SCOC: variants seen among roughly 807,000 people sequenced by gnomAD.
SCOC encodes the protein short coiled coil protein.
In SCOC, 7 loss-of-function variants were observed where a neutral mutation model predicts 9.9. That is an observed-to-expected ratio of 0.71 (90% CI 0.40 to 1.33). SCOC has a LOEUF of 1.33. Ranked by LOEUF, SCOC falls within the 40% of genes most tolerant of loss-of-function variation. The pLI is 0.01. For missense variants in SCOC, 66 were observed against 89.7 expected (o/e 0.74, Z 1.07); for synonymous variants, 19 against 28.2 (o/e 0.67, Z 1.03).
intron 1 of SCOC, among the ~76,000 whole-genome samples, chr4:140,258,131 C>G (rs1730551437): frequency 6.6e-6 from 1 of 152,226 alleles, no homozygotes; most frequent in Non-Finnish European, 1.5e-5. Context: ...CGGAGGTGCT[C>G]TTTCCACCCT....
At position 140,384,021 on chromosome 4, in the gene SCOC, A is replaced by G. The variant is rs914597900; in HGVS notation, c.*2917A>G. On this transcript the variant is annotated 3_prime_UTR_variant, in exon 4 of 4. Transcript: ENST00000608372. ...CTTCCCCCCAATCTCCCCCACCTCA[A>G]AAATAATTTTGAACCTTTGCTGCTA... The G allele has an allele frequency of 9.2e-5, 14 of 152,236 alleles. No individual in the cohort carries two copies. Among genetic ancestry groups the G allele is most frequent in the African/African-American group, 3.4e-4 (14 of 41,440 alleles). 9.4% of individuals were successfully genotyped at this position (152,236 alleles called of 1,614,324 possible).
At chr4:140,295,297 C>T (rs1731589632) in intron 1 of SCOC, among the ~76,000 whole-genome samples, 1 of 151,932 alleles carries the variant, frequency 6.6e-6, no homozygotes, top group African/African-American at 2.4e-5. Flanking sequence ...GGTAAAATAA[C>T]AGAAAAGGAA....
At chr4:140,259,255 T>C (rs1730576956) in intron 1 of SCOC, among the ~76,000 whole-genome samples, 1 of 152,226 alleles carries the variant, frequency 6.6e-6, no homozygotes, top group South Asian at 2.1e-4. Flanking sequence ...CCATGTCCAG[T>C]TGGTCACTGA....
At chr4:140,358,652 G>A (rs937252304) in intron 2 of SCOC, among the ~76,000 whole-genome samples, 2 of 152,196 alleles carry the variant, frequency 1.3e-5, no homozygotes, top group African/African-American at 4.8e-5. Flanking sequence ...AAAGGTACTA[G>A]TTATACAACA....
intron 1 of SCOC, among the ~76,000 whole-genome samples, chr4:140,303,896 G>A (rs140734735): frequency 7.9e-5 from 12 of 152,270 alleles, no homozygotes; most frequent in African/African-American, 2.4e-4. Context: ...TGCCACCTCC[G>A]TTACCTACAT....
At chr4:140,297,464 G>A (rs1216689509) in intron 1 of SCOC, among the ~76,000 whole-genome samples, 4 of 152,148 alleles carry the variant, frequency 2.6e-5, no homozygotes, top group Non-Finnish European at 5.9e-5. Context: ...GACAAAGTTT[G>A]TGTTCAGAGC....
At chr4:140,267,577 TAGAG>T (rs1730755878) in intron 1 of SCOC, among the ~76,000 whole-genome samples, 1 of 151,878 alleles carries the variant, frequency 6.6e-6, no homozygotes, top group Non-Finnish European at 1.5e-5. Flanking sequence ...ATGGTGGAGG[TAGAG>T]AGGGAGAAAC....
In SCOC at chr4:140,379,612, A is replaced by G; in HGVS notation, c.66A>G (p.Arg22=). Residue 22 remains arginine (R), a synonymous_variant, in exon 3 of 4, where the codon AGA becomes AGG. Transcript: ENST00000608372. ...ENQVELEEKT[R]LINQVLELQH... is the part of the protein sequence containing the mutation. ...AAGTGGAACTGGAGGAAAAAACAAG[A>G]CTTATTAATCAAGTGTTGGAACTCC... The G allele has an allele frequency of 6.2e-7, 1 of 1,612,982 alleles. No individual in the cohort carries two copies. Among genetic ancestry groups the G allele is most frequent in the Non-Finnish European group, 8.5e-7 (1 of 1,179,664 alleles).
chr4:140,339,127 C>G (rs1372270920), upstream of SCOC, among the ~76,000 whole-genome samples: 1 of 151,630 alleles, frequency 6.6e-6, no homozygotes, highest in Non-Finnish European at 1.5e-5. Flanking sequence ...ACAGAACAGA[C>G]CCCTCAGAAA....
intron 1 of SCOC, among the ~76,000 whole-genome samples, chr4:140,271,262 G>C (rs954274423): frequency 7.2e-5 from 11 of 152,128 alleles, no homozygotes; most frequent in Admixed American, 5.2e-4. Flanking sequence ...AATGGGTCTG[G>C]GCAAAACTGG....
chr4:140,359,172 T>C (rs1727357839), intron 2 of SCOC, among the ~76,000 whole-genome samples: 1 of 152,210 alleles, frequency 6.6e-6, no homozygotes, highest in South Asian at 2.1e-4. Context: ...TGAGCAGTTC[T>C]CCCTTAGGGG....
chr4:140,263,973 A>G (rs2126391227), intron 1 of SCOC, among the ~76,000 whole-genome samples: 1 of 152,284 alleles, frequency 6.6e-6, no homozygotes, highest in Non-Finnish European at 1.5e-5. Flanking sequence ...CTCACAAATG[A>G]AGAGGCAAAT....
upstream of SCOC, among the ~76,000 whole-genome samples, chr4:140,372,289 T>C (rs1728089707): frequency 6.6e-6 from 1 of 152,240 alleles, no homozygotes; most frequent in Non-Finnish European, 1.5e-5. Context: ...CAATTAAAAA[T>C]ATTTAAAAAT....
chr4:140,328,359 G>A (rs1424798781), intron 1 of SCOC, among the ~76,000 whole-genome samples: 3 of 152,102 alleles, frequency 2.0e-5, no homozygotes, highest in Non-Finnish European at 2.9e-5. Context: ...GTTCAAAAAA[G>A]AGCAAATTGA....
upstream of SCOC, among the ~76,000 whole-genome samples, chr4:140,372,599 T>C (rs922203987): frequency 6.6e-6 from 1 of 152,238 alleles, no homozygotes; most frequent in Admixed American, 6.5e-5. Flanking sequence ...AAACTGAATA[T>C]TGCAGTCGCA....
chr4:140,378,224 T>G (rs887634756), intron 1 of SCOC, among the ~76,000 whole-genome samples: 2 of 152,158 alleles, frequency 1.3e-5, no homozygotes, highest in East Asian at 3.8e-4. Flanking sequence ...CTAGTATTTA[T>G]CTTTTGAATT....
chr4:140,349,989 T>C (rs992484566), intron 2 of SCOC, among the ~76,000 whole-genome samples: 1 of 152,236 alleles, frequency 6.6e-6, no homozygotes, highest in Non-Finnish European at 1.5e-5. Context: ...TTCAGTGTCA[T>C]TTCCTGCCAC....
intron 1 of SCOC, among the ~76,000 whole-genome samples, chr4:140,320,620 G>A (rs1175756497): frequency 6.6e-6 from 1 of 152,018 alleles, no homozygotes; most frequent in African/African-American, 2.4e-5. Flanking sequence ...GAGCTCACAG[G>A]GTAGATCAAG....
At chr4:140,361,606 C>A (rs1727471510) in intron 2 of SCOC, among the ~76,000 whole-genome samples, 1 of 152,144 alleles carries the variant, frequency 6.6e-6, no homozygotes, top group African/African-American at 2.4e-5. Context: ...CTGCAGTGAG[C>A]CATGACTGTG....
Sources: allele counts gnomAD v4.1 joint callset (sites outside exome capture counted in the v4.1 genomes callset), GRCh38; gene constraint gnomAD v4.1.1; transcripts MANE v1.5; gene names NCBI Gene and HGNC (gene_info 2026-07-23, HGNC 2026-07-21).